KDM6A: variants seen among roughly 807,000 people sequenced by gnomAD.
The protein encoded by KDM6A is lysine-specific demethylase 6A.
A neutral mutation model predicts 117.6 loss-of-function variants in KDM6A; 11 were observed. That is an observed-to-expected ratio of 0.09 (90% CI 0.06 to 0.15). The LOEUF is 0.15. Ranked by LOEUF, KDM6A falls within the 10% of genes least tolerant of loss-of-function variation. KDM6A has a pLI of 1.00. For synonymous variants in KDM6A, 384 were observed against 396.1 expected (o/e 0.97, Z 0.36); for missense variants, 799 against 1,077.3 (o/e 0.74, Z 3.62).
At chrX:44,877,561 G>T in intron 2 of KDM6A, among the ~76,000 whole-genome samples, 1 of 107,762 alleles carries the variant, frequency 9.3e-6, no homozygotes. Context: ...GTAGGGTAAG[G>T]ATTTGAGTTA....
intron 25 of KDM6A, among the ~76,000 whole-genome samples, chrX:45,088,822 A>G (rs1308162963): frequency 8.8e-6 from 1 of 113,017 alleles, no homozygotes; most frequent in Non-Finnish European, 1.9e-5. Flanking sequence ...ATTAAAATAA[A>G]AGCTTAATAA....
chrX:45,044,333 G>T (rs1446484224), intron 8 of KDM6A, among the ~76,000 whole-genome samples: 1 of 111,689 alleles, frequency 9.0e-6, no homozygotes, highest in African/African-American at 3.3e-5. Flanking sequence ...TGAATTTAGT[G>T]AAATAATTTG....
intron 10 of KDM6A, among the ~76,000 whole-genome samples, chrX:45,057,882 T>A (rs2044139819): frequency 9.0e-6 from 1 of 111,179 alleles, no homozygotes; most frequent in Non-Finnish European, 1.9e-5. Context: ...CAATTTACTG[T>A]CAGCCAATAA....
At chrX:44,916,857 G>A (rs2035592136) in intron 2 of KDM6A, among the ~76,000 whole-genome samples, 1 of 109,152 alleles carries the variant, frequency 9.2e-6, no homozygotes, top group Non-Finnish European at 1.9e-5. Context: ...TGTTGCCCAG[G>A]CTGATCTTGA....
intron 4 of KDM6A, among the ~76,000 whole-genome samples, chrX:44,977,429 G>GTT (rs202089775): frequency 9.4e-6 from 1 of 106,163 alleles, no homozygotes; most frequent in African/African-American, 3.4e-5. Context: ...TAATTTTTAA[G>GTT]TTTTTTTTTT....
At chrX:44,979,458 T>C (rs1569498281) in intron 4 of KDM6A, among the ~76,000 whole-genome samples, 1 of 110,350 alleles carries the variant, frequency 9.1e-6, no homozygotes, top group Non-Finnish European at 1.9e-5. Context: ...CATTGAGTTT[T>C]ATGGGTTCTT....
intron 2 of KDM6A, among the ~76,000 whole-genome samples, chrX:44,878,958 G>A (rs1361018231): frequency 9.0e-6 from 1 of 111,090 alleles, no homozygotes; most frequent in Admixed American, 9.6e-5. Context: ...CTGACCTCAC[G>A]TGATCAGCCC....
intron 2 of KDM6A, among the ~76,000 whole-genome samples, chrX:44,923,801 C>A (rs1296906580): frequency 9.0e-6 from 1 of 111,255 alleles, no homozygotes; most frequent in Admixed American, 9.5e-5. Flanking sequence ...CGGCTCACTG[C>A]AACCTGTGCC....
chrX:44,942,922 T>A (rs2037417931), intron 2 of KDM6A, among the ~76,000 whole-genome samples: 1 of 111,252 alleles, frequency 9.0e-6, no homozygotes, highest in African/African-American at 3.3e-5. Context: ...TAATTTCAAC[T>A]TTTAACTTGC....
intron 4 of KDM6A, among the ~76,000 whole-genome samples, chrX:44,996,120 A>G (rs1009817997): frequency 2.7e-5 from 3 of 110,194 alleles, no homozygotes; most frequent in African/African-American, 9.9e-5. Context: ...TCTGTAGCCC[A>G]GGCAGGAATC....
rs1417963351 is a variant in KDM6A, at chrX:45,112,750, A to G, written c.*1339A>G. Reference sequence around the variant, plus strand: ...TGAAGGGCTCTATTTTAGAATGCAAATAAATTAAGAGACTTATTTTTTAAT... The same window carrying G: ...TGAAGGGCTCTATTTTAGAATGCAAGTAAATTAAGAGACTTATTTTTTAAT... On this transcript the variant is annotated 3_prime_UTR_variant, in exon 30 of 30. Transcript: ENST00000611820. 8.4e-6 allele frequency: 1 copy of G among 119,103 alleles called. No homozygotes were observed. The highest frequency in any genetic ancestry group is 1.7e-5 in the Non-Finnish European group (1 of 57,468). The allele number at this position is 119,103 out of a possible 1,213,427, so 9.8% of individuals were successfully genotyped here. A position where few individuals can be genotyped will look rare whatever the true frequency, so the allele number is the denominator to read the frequency against.
At chrX:45,006,904 C>T (rs2041522714) in intron 4 of KDM6A, among the ~76,000 whole-genome samples, 1 of 109,776 alleles carries the variant, frequency 9.1e-6, no homozygotes, top group Non-Finnish European at 1.9e-5. Flanking sequence ...GCACTCCAGC[C>T]TGGGGACAAA....
chrX:44,971,380 T>G (rs1211967970), intron 3 of KDM6A, among the ~76,000 whole-genome samples: 1 of 112,068 alleles, frequency 8.9e-6, no homozygotes, highest in East Asian at 2.8e-4. Flanking sequence ...AAGTTATTTT[T>G]TCAGATATGT....
At chrX:44,923,793 G>T (rs778027437) in intron 2 of KDM6A, among the ~76,000 whole-genome samples, 1 of 110,955 alleles carries the variant, frequency 9.0e-6, no homozygotes, top group South Asian at 3.8e-4. Flanking sequence ...TGCAATCTCG[G>T]CTCACTGCAA....
At chrX:44,931,832 A>C (rs1347071386) in intron 2 of KDM6A, among the ~76,000 whole-genome samples, 1 of 111,658 alleles carries the variant, frequency 9.0e-6, no homozygotes, top group African/African-American at 3.3e-5. Context: ...AAAATGGTTA[A>C]GATTGTAAAT....
intron 19 of KDM6A, 73 bp from the exon 20 acceptor site, chrX:45,078,327 A>G (rs1293296820): frequency 4.1e-5 from 40 of 977,900 alleles, no homozygotes; most frequent in Non-Finnish European, 5.6e-5. Flanking sequence ...AATAATGAAT[A>G]TTAATTTGGA....
intron 2 of KDM6A, among the ~76,000 whole-genome samples, chrX:44,920,134 C>T (rs1047150492): frequency 5.3e-5 from 6 of 112,339 alleles, no homozygotes; most frequent in Non-Finnish European, 7.5e-5. Context: ...TATTCTCCTG[C>T]AAAAATAGCA....
chrX:45,090,062 C>G (rs774234095), intron 26 of KDM6A, 132 bp downstream of exon 26: 80 of 475,991 alleles, frequency 1.7e-4, no homozygotes, highest in Non-Finnish European at 2.7e-4. Context: ...AATTGTAATT[C>G]GTAGTACAAC....
In KDM6A at chrX:45,052,031, C is replaced by T. The variant is rs191582293; in HGVS notation, c.748+229C>T. Among the ~76,000 whole-genome samples the T allele has an allele frequency of 2.7e-5, 3 of 111,668 alleles. No homozygotes were observed. In the East Asian group the frequency reaches 8.4e-4, roughly 31 times the overall value. Reference sequence around the variant, plus strand: ...CCTTTTAAATTATCAAAATTACTCCCTAGTATTTAACCCAAGGAGGATTGA... The same window carrying T: ...CCTTTTAAATTATCAAAATTACTCCTTAGTATTTAACCCAAGGAGGATTGA... On this transcript the variant is annotated intron_variant, in intron 9 of 29. Coordinates refer to ENST00000611820, the MANE Select transcript of KDM6A (RefSeq NM_001291415.2).
Sources: allele counts gnomAD v4.1 joint callset (sites outside exome capture counted in the v4.1 genomes callset), GRCh38; gene constraint gnomAD v4.1.1; transcripts MANE v1.5; gene names NCBI Gene and HGNC (gene_info 2026-07-23, HGNC 2026-07-21).